Variants in KIF6 observed in about 807,000 individuals in gnomAD.
KIF6 encodes the protein kinesin family member 6, also known as kinesin-like protein KIF6.
Under a neutral mutation model 112.7 loss-of-function variants are expected in KIF6, and 106 were observed. That is an observed-to-expected ratio of 0.94 (90% CI 0.80 to 1.11). The LOEUF is 1.11. Among genes scored for constraint, KIF6 ranks in the 50% least tolerant of loss-of-function variants. The pLI is 0.00. For synonymous variants in KIF6, 339 were observed against 339.9 expected, an observed-to-expected ratio of 1.00 and a Z score of 0.03; for missense variants, 929 against 964.0, an observed-to-expected ratio of 0.96 and a Z score of 0.48.
At chr6:39,370,684 A>C (rs567983506) in intron 16 of KIF6, among the ~76,000 whole-genome samples, 2 of 152,140 alleles carry the variant, frequency 1.3e-5, no homozygotes, top group Non-Finnish European at 2.9e-5. Context: ...AAGAGCTAGC[A>C]GTTTGCCTAA....
intron 3 of KIF6, among the ~76,000 whole-genome samples, chr6:39,692,701 G>A (rs1425124082): frequency 6.6e-6 from 1 of 152,148 alleles, no homozygotes; most frequent in African/African-American, 2.4e-5. Flanking sequence ...TAATTTCTAA[G>A]GAGAAACATT....
chr6:39,620,530 C>G (rs576489517), intron 5 of KIF6: 1 of 152,046 alleles, frequency 6.6e-6, no homozygotes, highest in Non-Finnish European at 1.5e-5. Context: ...CTTTTATTTT[C>G]ATTTTAACAT....
Position 39,436,697 on chromosome 6 carries a change from C to T in KIF6, c.1646-5536G>A, listed in dbSNP as rs1581854104. Among the ~76,000 whole-genome samples the T allele has an allele frequency of 1.3e-5, 2 of 151,970 alleles. 1 individual carries two copies. The highest frequency in any genetic ancestry group is 4.1e-4 in the South Asian group (2 of 4,830). On this transcript the variant is annotated intron_variant, in intron 13 of 22. Coordinates refer to ENST00000287152, the MANE Select transcript of KIF6 (RefSeq NM_145027.6). ...GTTGTAAATATTTGCTTTATTTCTG[C>T]ATTCTCTATTCTGTTCCATTGGTCT...
At chr6:39,457,519 TC>T (rs1773205331) in intron 13 of KIF6, among the ~76,000 whole-genome samples, 1 of 148,946 alleles carries the variant, frequency 6.7e-6, no homozygotes, top group South Asian at 2.1e-4. Context: ...ATAACTAAAA[TC>T]AGAGCAGAAC....
In KIF6 at chr6:39,725,320, G is replaced by C; in HGVS notation, c.-10C>G. The C allele has an allele frequency of 6.2e-7, 1 of 1,605,892 alleles. No homozygotes were observed. The highest frequency in any genetic ancestry group is 1.4e-5 in the African/African-American group (1 of 73,750). ...TAGTCTGCTTCACCATCTCCTCCCT[G>C]GCTCTGCAATGACCCTTGACCTCTC... is the stretch of plus-strand genomic sequence containing the variant. On this transcript the variant is annotated 5_prime_UTR_variant, in exon 1 of 23. Transcript: ENST00000287152.
intron 15 of KIF6, among the ~76,000 whole-genome samples, chr6:39,414,728 T>C (rs999383799): frequency 1.3e-5 from 2 of 152,148 alleles, no homozygotes; most frequent in Non-Finnish European, 2.9e-5. Flanking sequence ...GGCCAAAGAA[T>C]CAGGGAAACT....
At position 39,431,041 on chromosome 6, in the gene KIF6, A is replaced by T; in HGVS notation, c.1754+12T>A. The T allele has an allele frequency of 1.3e-6, 2 of 1,571,328 alleles. No homozygotes were observed. Among genetic ancestry groups the T allele is most frequent in the Non-Finnish European group, 1.8e-6 (2 of 1,142,666 alleles). Reference sequence around the variant, plus strand: ...GCCTCGGAGGACCAGCTGCTCTCTGAGACAGCCTTACCTCTGTTTCAGAAT... The same window carrying T: ...GCCTCGGAGGACCAGCTGCTCTCTGTGACAGCCTTACCTCTGTTTCAGAAT... On this transcript the variant is annotated intron_variant, in intron 14 of 22. Transcript: ENST00000287152.
chr6:39,339,735 G>A (rs28413674), intron 22 of KIF6, among the ~76,000 whole-genome samples: 19,184 of 151,824 alleles, frequency 0.13, 1,406 homozygotes, highest in Middle Eastern at 0.26. Context: ...TGCCCCTTAC[G>A]GGTGTTATAT....
intron 19 of KIF6, chr6:39,354,069 G>A (rs983867375): frequency 1.6e-5 from 5 of 305,594 alleles, no homozygotes; most frequent in African/African-American, 4.4e-5. Flanking sequence ...GAACGGTCAC[G>A]TGGACATTTG....
chr6:39,531,312 G>A (rs1466821264), intron 13 of KIF6, among the ~76,000 whole-genome samples: 1 of 152,096 alleles, frequency 6.6e-6, no homozygotes, highest in Non-Finnish European at 1.5e-5. Context: ...AATATCAAGG[G>A]AGGAAAAGAG....
At chr6:39,470,796 C>A (rs527380158) in intron 13 of KIF6, among the ~76,000 whole-genome samples, 2 of 145,942 alleles carry the variant, frequency 1.4e-5, no homozygotes, top group African/African-American at 2.4e-5. Flanking sequence ...TCCCAGCATG[C>A]AAATGCACTC....
chr6:39,641,801 T>G (rs376893940), intron 3 of KIF6, among the ~76,000 whole-genome samples: 2 of 152,258 alleles, frequency 1.3e-5, no homozygotes, highest in East Asian at 3.9e-4. Flanking sequence ...TACTTTTTTA[T>G]GCTAAAATCT....
At chr6:39,340,509 C>G (rs915603824) in intron 22 of KIF6, among the ~76,000 whole-genome samples, 1 of 152,200 alleles carries the variant, frequency 6.6e-6, no homozygotes, top group African/African-American at 2.4e-5. Context: ...GCTGTGTAAC[C>G]TTGGGCAAGT....
Position 39,356,941 on chromosome 6 carries a change from C to G in KIF6, c.2180+336G>C, listed in dbSNP as rs541657329. Among the ~76,000 whole-genome samples, 5 of 152,270 alleles carry G rather than the reference C, an allele frequency of 3.3e-5. No individual in the cohort carries two copies. In the South Asian group the frequency reaches 8.3e-4, roughly 25 times the overall value. ...TGTCCCACCACCACTGTCCCCCAAA[C>G]CCCCTTCTCCCATGCTATGACCCTG... is the stretch of plus-strand genomic sequence containing the variant. On this transcript the variant is annotated intron_variant, in intron 19 of 22. Transcript: ENST00000287152.
intron 3 of KIF6, among the ~76,000 whole-genome samples, chr6:39,666,683 A>T (rs926933323): frequency 6.6e-6 from 1 of 152,180 alleles, no homozygotes; most frequent in African/African-American, 2.4e-5. Flanking sequence ...ACTCTCTGAC[A>T]AAGGATGTTT....
chr6:39,723,644 A>G (rs1790355245), intron 1 of KIF6, among the ~76,000 whole-genome samples: 1 of 152,192 alleles, frequency 6.6e-6, no homozygotes. Context: ...TAAAACAAGA[A>G]CAGAAAGCCA....
intron 3 of KIF6, among the ~76,000 whole-genome samples, chr6:39,660,925 T>C (rs748384152): frequency 5.9e-5 from 9 of 152,226 alleles, no homozygotes; most frequent in Admixed American, 1.3e-4. Context: ...TGAGTCCCCA[T>C]GAAATCACCT....
chr6:39,626,567 G>T (rs1448960849), intron 5 of KIF6, among the ~76,000 whole-genome samples: 2 of 152,158 alleles, frequency 1.3e-5, no homozygotes, highest in Non-Finnish European at 2.9e-5. Flanking sequence ...ATAAAACATG[G>T]ATTATAATAC....
chr6:39,458,265 A>G lies in KIF6; in HGVS notation c.1646-27104T>C, dbSNP rs765418289. ...CCAGCATATAAACAGAGTCAAAGAC[A>G]AAAACCACATGATTATCTCAATAGA... is the stretch of plus-strand genomic sequence containing the variant. On this transcript the variant is annotated intron_variant, in intron 13 of 22. Transcript: ENST00000287152. Among the ~76,000 whole-genome samples, 27 of 151,144 alleles carry G rather than the reference A, an allele frequency of 1.8e-4. No individual in the cohort carries two copies. The South Asian group carries it at 2.5e-3, about 14-fold the overall frequency.
Sources: gnomAD v4.1 joint callset for allele counts (sites outside exome capture counted in the v4.1 genomes callset) on GRCh38, gnomAD v4.1.1 for gene constraint, MANE v1.5 for transcripts, NCBI Gene and HGNC (gene_info 2026-07-23, HGNC 2026-07-21) for gene names.